The following PREP variants were observed in gnomAD, a reference collection of about 807,000 sequenced individuals.
PREP encodes dJ355L5.1 (prolyl endopeptidase).
In PREP, 29 loss-of-function variants were observed where a neutral mutation model predicts 87.6. That is an observed-to-expected ratio of 0.33 (90% CI 0.25 to 0.45). The LOEUF is 0.45. Among genes scored for constraint, PREP ranks in the 20% least tolerant of loss-of-function variants. PREP has a pLI of 1.00. For synonymous variants in PREP, 337 were observed against 328.6 expected, an observed-to-expected ratio of 1.03 and a Z score of -0.28; for missense variants, 695 against 886.5, an observed-to-expected ratio of 0.78 and a Z score of 2.74.
intron 12 of PREP, among the ~76,000 whole-genome samples, chr6:105,283,370 A>G (rs1770122502): frequency 6.6e-6 from 1 of 152,246 alleles, no homozygotes; most frequent in African/African-American, 2.4e-5. Flanking sequence ...AGTCAAAAGC[A>G]TGTCCTCAAA....
Position 105,273,796 on chromosome 6 carries a change from C to T in PREP, c.*4348G>A. 6.5e-6 allele frequency: 1 copy of T among 153,562 alleles called. No individual in the cohort carries two copies. The highest frequency in any genetic ancestry group is 3.3e-3 in the Middle Eastern group (1 of 300). The allele number at this position is 153,562 out of a possible 1,614,324, so 9.5% of individuals were successfully genotyped here. ...CCAGGCCTCGCCTGGCTCCCTGTTC[C>T]CCCCACACTGGCTTCCTGCTCTTCC... On this transcript the variant is annotated 3_prime_UTR_variant, in exon 15 of 15. Transcript: ENST00000652536.
chr6:105,321,799 G>A (rs1235354065), intron 10 of PREP, among the ~76,000 whole-genome samples: 1 of 152,140 alleles, frequency 6.6e-6, no homozygotes, highest in Non-Finnish European at 1.5e-5. Context: ...GTGGAAAAAA[G>A]GGGAAAACAG....
At chr6:105,374,635 TATATATATATA>T (rs1772640282) in intron 4 of PREP, among the ~76,000 whole-genome samples, 1 of 230 alleles carries the variant, frequency 4.3e-3, no homozygotes, top group East Asian at 0.045. Flanking sequence ...GAATTGTTTA[TATATATATATA>T]TATATATATA....
chr6:105,342,863 A>G lies in PREP; in HGVS notation c.824-9358T>C, dbSNP rs1771694876. Among the ~76,000 whole-genome samples, 7 of 152,378 alleles carry G rather than the reference A, an allele frequency of 4.6e-5. No homozygotes were observed. In the South Asian group the frequency reaches 1.5e-3, roughly 32 times the overall value. ...CTTCAAGAACTACAAACCACTGCTC[A>G]ACGAAATAAAAGAGGATACAAACAA... is the stretch of plus-strand genomic sequence containing the variant. On this transcript the variant is annotated intron_variant, in intron 7 of 14. Coordinates refer to ENST00000652536, the MANE Select transcript of PREP (RefSeq NM_002726.5).
At chr6:105,402,607 C>A (rs1397661984) in intron 1 of PREP, among the ~76,000 whole-genome samples, 1 of 152,218 alleles carries the variant, frequency 6.6e-6, no homozygotes, top group Non-Finnish European at 1.5e-5. Flanking sequence ...TTCTAGGAAG[C>A]GGCCGGGCGG....
intron 2 of PREP, among the ~76,000 whole-genome samples, chr6:105,392,313 C>T (rs1286861496): frequency 6.6e-6 from 1 of 152,134 alleles, no homozygotes; most frequent in Non-Finnish European, 1.5e-5. Flanking sequence ...GCTGGGATTA[C>T]AGGCGTGAGC....
chr6:105,330,751 A>T (rs1463660200), intron 8 of PREP, among the ~76,000 whole-genome samples: 1 of 152,156 alleles, frequency 6.6e-6, no homozygotes, highest in Non-Finnish European at 1.5e-5. Flanking sequence ...GCTAGAATTT[A>T]CCCACATGAA....
At chr6:105,290,595 T>C (rs1770280783) in intron 10 of PREP, among the ~76,000 whole-genome samples, 1 of 151,766 alleles carries the variant, frequency 6.6e-6, no homozygotes, top group Non-Finnish European at 1.5e-5. Flanking sequence ...CCCTCCATCA[T>C]TCCCAAAGTG....
At chr6:105,371,126 G>A (rs1201922677) in intron 5 of PREP, among the ~76,000 whole-genome samples, 1 of 152,228 alleles carries the variant, frequency 6.6e-6, no homozygotes, top group Non-Finnish European at 1.5e-5. Context: ...GTGGGGGCAG[G>A]AGGCACATGA....
At chr6:105,369,112 T>A in intron 5 of PREP, 88 bp from the exon 6 acceptor site, 2 of 1,379,548 alleles carry the variant, frequency 1.4e-6, no homozygotes, top group Non-Finnish European at 2.0e-6. Flanking sequence ...TAGACACATT[T>A]AACAAGTAGC....
intron 11 of PREP, among the ~76,000 whole-genome samples, chr6:105,287,231 A>G (rs186048078): frequency 2.0e-5 from 3 of 152,224 alleles, no homozygotes; most frequent in South Asian, 4.2e-4. Context: ...TGTTATTACA[A>G]TGATAACAAA....
At chr6:105,402,608 G>C (rs1330172189) in intron 1 of PREP, among the ~76,000 whole-genome samples, 1 of 152,202 alleles carries the variant, frequency 6.6e-6, no homozygotes, top group Non-Finnish European at 1.5e-5. Flanking sequence ...TCTAGGAAGC[G>C]GCCGGGCGGC....
intron 7 of PREP, among the ~76,000 whole-genome samples, chr6:105,339,843 C>T (rs995761151): frequency 1.3e-5 from 2 of 152,002 alleles, no homozygotes; most frequent in Non-Finnish European, 2.9e-5. Flanking sequence ...AGAGAAAAAA[C>T]AGTAAAAAGA....
intron 14 of PREP, among the ~76,000 whole-genome samples, chr6:105,280,431 G>A (rs1583032481): frequency 6.6e-6 from 1 of 152,148 alleles, no homozygotes; most frequent in Admixed American, 6.5e-5. Flanking sequence ...CTTACATATG[G>A]GGAATGAAGG....
chr6:105,383,175 G>A (rs866219889), intron 2 of PREP, among the ~76,000 whole-genome samples: 4 of 151,056 alleles, frequency 2.6e-5, no homozygotes, highest in Non-Finnish European at 4.4e-5. Flanking sequence ...CAGGAAACAC[G>A]TCCAGAAATG....
At chr6:105,395,153 T>C (rs1051766616) in intron 2 of PREP, among the ~76,000 whole-genome samples, 5 of 152,172 alleles carry the variant, frequency 3.3e-5, no homozygotes, top group African/African-American at 1.2e-4. Context: ...CTCTGAATTA[T>C]TACAATTTAA....
At chr6:105,391,876 A>G (rs978255920) in intron 2 of PREP, among the ~76,000 whole-genome samples, 1 of 152,190 alleles carries the variant, frequency 6.6e-6, no homozygotes, top group Non-Finnish European at 1.5e-5. Flanking sequence ...AAGTTTAGGA[A>G]GTCAACCACA....
At chr6:105,348,761 C>T (rs761333295) in intron 7 of PREP, among the ~76,000 whole-genome samples, 4 of 152,048 alleles carry the variant, frequency 2.6e-5, no homozygotes, top group African/African-American at 4.8e-5. Flanking sequence ...CGCCTGTAGT[C>T]CCAGCTACTT....
chr6:105,308,496 T>C (rs2114632471), intron 10 of PREP, among the ~76,000 whole-genome samples: 1 of 152,318 alleles, frequency 6.6e-6, no homozygotes, highest in South Asian at 2.1e-4. Flanking sequence ...CTGTTTTGGT[T>C]ATAAACTATG....
Sources: allele counts gnomAD v4.1 joint callset (sites outside exome capture counted in the v4.1 genomes callset), GRCh38; gene constraint gnomAD v4.1.1; transcripts MANE v1.5; gene names NCBI Gene and HGNC (gene_info 2026-07-23, HGNC 2026-07-21).